CCDC85A: variants seen among roughly 807,000 people sequenced by gnomAD.
CCDC85A encodes coiled-coil domain containing 85A, also known as coiled-coil domain-containing protein 85A.
Under a neutral mutation model 50.2 loss-of-function variants are expected in CCDC85A, and 38 were observed. That is an observed-to-expected ratio of 0.76 (90% confidence interval 0.58 to 0.99). The LOEUF (loss-of-function observed/expected upper bound fraction) is 0.99, where lower values mean the gene tolerates loss of function less well. CCDC85A is among the 50% of genes least tolerant of loss of function. The pLI is 0.00. For synonymous variants in CCDC85A, 366 were observed against 301.4 expected (o/e 1.21, Z -2.22); for missense variants, 820 against 742.0 (o/e 1.11, Z -1.22).
At chr2:56,198,660 C>G (rs556478420) in intron 2 of CCDC85A, among the ~76,000 whole-genome samples, 1 of 152,210 alleles carries the variant, frequency 6.6e-6, no homozygotes, top group African/African-American at 2.4e-5. Context: ...ATTGGAAAAC[C>G]TAGATGGCTT....
intron 2 of CCDC85A, among the ~76,000 whole-genome samples, chr2:56,313,971 G>A (rs1178724467): frequency 6.7e-6 from 1 of 149,024 alleles, no homozygotes; most frequent in South Asian, 2.1e-4. Context: ...GCATTGAGGA[G>A]GTCCATTAAG....
intron 2 of CCDC85A, among the ~76,000 whole-genome samples, chr2:56,232,520 C>T (rs1397390186): frequency 6.6e-6 from 1 of 152,122 alleles, no homozygotes; most frequent in Non-Finnish European, 1.5e-5. Flanking sequence ...GTGAGCCTCA[C>T]CAGATCTGAT....
chr2:56,323,928 G>T (rs1053619653), intron 2 of CCDC85A, among the ~76,000 whole-genome samples: 5 of 152,028 alleles, frequency 3.3e-5, no homozygotes, highest in African/African-American at 4.8e-5. Context: ...AGGGTACGAA[G>T]TTTCATCTCT....
chr2:56,223,799 A>G (rs1668430041), intron 2 of CCDC85A, among the ~76,000 whole-genome samples: 1 of 152,162 alleles, frequency 6.6e-6, no homozygotes, highest in Non-Finnish European at 1.5e-5. Flanking sequence ...TGGAATGGCT[A>G]CATTGGAGAT....
At chr2:56,297,020 C>A (rs538084038) in intron 2 of CCDC85A, among the ~76,000 whole-genome samples, 43 of 151,898 alleles carry the variant, frequency 2.8e-4, no homozygotes, top group Non-Finnish European at 4.9e-4. Context: ...TATTGTATAT[C>A]GGGGTTAGTC....
At chr2:56,209,408 A>G (rs932568482) in intron 2 of CCDC85A, among the ~76,000 whole-genome samples, 12 of 146,156 alleles carry the variant, frequency 8.2e-5, no homozygotes, top group African/African-American at 2.5e-4. Context: ...ACATGCAAAT[A>G]GAAGTCTGTT....
At chr2:56,249,309 A>G (rs1421427416) in intron 2 of CCDC85A, among the ~76,000 whole-genome samples, 3 of 152,014 alleles carry the variant, frequency 2.0e-5, no homozygotes, top group South Asian at 2.1e-4. Flanking sequence ...AGAGGAGGAA[A>G]CTCCCTTTAC....
chr2:56,382,339 T>G (rs2104409565), intron 5 of CCDC85A, among the ~76,000 whole-genome samples: 1 of 151,992 alleles, frequency 6.6e-6, no homozygotes, highest in East Asian at 1.9e-4. Context: ...ACCACAGAAG[T>G]TTTGCTGTCA....
At chr2:56,224,652 T>C (rs1317126900) in intron 2 of CCDC85A, among the ~76,000 whole-genome samples, 2 of 152,208 alleles carry the variant, frequency 1.3e-5, no homozygotes, top group East Asian at 3.9e-4. Flanking sequence ...ACCTTCATAG[T>C]GGATATGAAG....
At chr2:56,190,532 A>T (rs963850121) in intron 1 of CCDC85A, among the ~76,000 whole-genome samples, 1 of 152,192 alleles carries the variant, frequency 6.6e-6, no homozygotes, top group African/African-American at 2.4e-5. Context: ...AGTCTGAGGG[A>T]TGATGGTAGA....
At chr2:56,241,352 T>C (rs1669249315) in intron 2 of CCDC85A, among the ~76,000 whole-genome samples, 1 of 152,176 alleles carries the variant, frequency 6.6e-6, no homozygotes, top group African/African-American at 2.4e-5. Flanking sequence ...TTAGGTTTTT[T>C]TAAAATGTAC....
In CCDC85A at chr2:56,186,731, T is replaced by C. The variant is rs574659651; in HGVS notation, c.276+1831T>C. ...GGTTATGTGGATTGACTGTGTGTGA[T>C]GTCTGTGTGTGGGTAGGGGAGGGGA... On this transcript the variant is annotated intron_variant, in intron 1 of 5. Coordinates refer to ENST00000407595, the MANE Select transcript of CCDC85A (RefSeq NM_001080433.2). Among the ~76,000 whole-genome samples the C allele has an allele frequency of 1.1e-4, 16 of 152,290 alleles. No individual in the cohort carries two copies. In the South Asian group the frequency reaches 2.9e-3, roughly 28 times the overall value.
chr2:56,317,868 G>A (rs191600724), intron 2 of CCDC85A, among the ~76,000 whole-genome samples: 28 of 152,074 alleles, frequency 1.8e-4, no homozygotes, highest in African/African-American at 6.5e-4. Flanking sequence ...TGAAGTTGGG[G>A]GATTACCTAT....
At chr2:56,246,672 G>A (rs967829179) in intron 2 of CCDC85A, among the ~76,000 whole-genome samples, 1 of 152,114 alleles carries the variant, frequency 6.6e-6, no homozygotes, top group Non-Finnish European at 1.5e-5. Flanking sequence ...AAAATCATAT[G>A]ACCATAAATG....
At chr2:56,268,594 C>CA (rs59245276) in intron 2 of CCDC85A, among the ~76,000 whole-genome samples, 58,939 of 102,362 alleles carry the variant, frequency 0.58, 15,105 homozygotes, top group Admixed American at 0.67. Flanking sequence ...GATTCCGTCT[C>CA]AAAAAAAAAA....
intron 2 of CCDC85A, among the ~76,000 whole-genome samples, chr2:56,202,412 A>G (rs556848266): frequency 6.6e-6 from 1 of 152,198 alleles, no homozygotes; most frequent in Admixed American, 6.5e-5. Context: ...CCCCAAGGCC[A>G]TATTCCTTCC....
intron 2 of CCDC85A, among the ~76,000 whole-genome samples, chr2:56,289,352 G>A (rs1423502695): frequency 6.6e-6 from 1 of 152,166 alleles, no homozygotes; most frequent in Admixed American, 6.6e-5. Context: ...CATAGTGTAA[G>A]TATTCTGATA....
intron 2 of CCDC85A, among the ~76,000 whole-genome samples, chr2:56,317,386 G>A (rs553492711): frequency 2.0e-5 from 3 of 152,038 alleles, no homozygotes; most frequent in African/African-American, 7.2e-5. Flanking sequence ...GGCATTGCCA[G>A]TATAGCATTT....
chr2:56,187,685 G>A (rs1274555585), intron 1 of CCDC85A, among the ~76,000 whole-genome samples: 1 of 152,196 alleles, frequency 6.6e-6, no homozygotes, highest in Admixed American at 6.5e-5. Context: ...GACATAAAGT[G>A]TTCAAAATCG....
Sources: allele counts gnomAD v4.1 joint callset (sites outside exome capture counted in the v4.1 genomes callset), GRCh38; gene constraint gnomAD v4.1.1; transcripts MANE v1.5; gene names NCBI Gene and HGNC (gene_info 2026-07-23, HGNC 2026-07-21).